The following XKR6 variants were observed in gnomAD, a reference collection of about 807,000 sequenced individuals.
The protein encoded by XKR6 is XK related 6.
In XKR6, 22 loss-of-function variants were observed where a neutral mutation model predicts 56.7. The ratio of observed to expected loss-of-function variants is 0.39; its 90% CI spans 0.28 to 0.55. XKR6 has a LOEUF of 0.55. Ranked by LOEUF, XKR6 falls within the 20% of genes least tolerant of loss-of-function variation. XKR6 has a pLI of 0.66. For missense variants in XKR6, 852 were observed against 889.0 expected, an observed-to-expected ratio of 0.96 and a Z score of 0.53; for synonymous variants, 524 against 387.8, an observed-to-expected ratio of 1.35 and a Z score of -4.13.
intron 1 of XKR6, among the ~76,000 whole-genome samples, chr8:10,930,354 T>C (rs1801018681): frequency 6.6e-6 from 1 of 152,128 alleles, no homozygotes; most frequent in Non-Finnish European, 1.5e-5. Flanking sequence ...TTAAGGAAAA[T>C]GGTAAATTCT....
chr8:11,105,641 A>C (rs1433902556), intron 1 of XKR6: 1 of 152,156 alleles, frequency 6.6e-6, no homozygotes, highest in Non-Finnish European at 1.5e-5. Context: ...CTTTCCTTTA[A>C]TTCACGTGGA....
At chr8:11,135,737 A>G (rs763669656) in intron 1 of XKR6, among the ~76,000 whole-genome samples, 1 of 152,074 alleles carries the variant, frequency 6.6e-6, no homozygotes, top group Non-Finnish European at 1.5e-5. Context: ...AAAATTAAAG[A>G]AGGAAAAGGA....
intron 1 of XKR6, among the ~76,000 whole-genome samples, chr8:11,012,120 C>T (rs971494122): frequency 1.1e-4 from 16 of 152,246 alleles, no homozygotes; most frequent in African/African-American, 2.6e-4. Flanking sequence ...TGGAGGAGTC[C>T]GCCTACCTCA....
At chr8:11,161,132 T>C (rs912459709) in intron 1 of XKR6, among the ~76,000 whole-genome samples, 2 of 152,122 alleles carry the variant, frequency 1.3e-5, no homozygotes, top group South Asian at 2.1e-4. Flanking sequence ...CAACAGGAAC[T>C]GATCTAGGCA....
intron 1 of XKR6, chr8:11,108,597 G>C: frequency 3.1e-6 from 1 of 326,282 alleles, no homozygotes; most frequent in East Asian, 8.8e-5. Flanking sequence ...GTGCTTCTGG[G>C]GCAGCCCTTT....
At chr8:10,941,779 C>T (rs983343671) in intron 1 of XKR6, among the ~76,000 whole-genome samples, 1 of 152,162 alleles carries the variant, frequency 6.6e-6, no homozygotes. Flanking sequence ...CCACCCTCGA[C>T]CAGCAGGGCC....
chr8:11,011,814 G>C (rs1437392784), intron 1 of XKR6, among the ~76,000 whole-genome samples: 1 of 152,202 alleles, frequency 6.6e-6, no homozygotes, highest in Non-Finnish European at 1.5e-5. Flanking sequence ...ATTGAGCTAA[G>C]AGCTGGGACT....
intron 1 of XKR6, among the ~76,000 whole-genome samples, chr8:10,981,812 G>T (rs1797741005): frequency 6.6e-6 from 1 of 152,188 alleles, no homozygotes. Flanking sequence ...CTCCAGTGGA[G>T]GTGCCACCAT....
intron 1 of XKR6, among the ~76,000 whole-genome samples, chr8:11,100,301 C>A (rs749569898): frequency 6.6e-6 from 1 of 152,160 alleles, no homozygotes; most frequent in African/African-American, 2.4e-5. Context: ...GCAATCTACC[C>A]ACTTCGACCT....
chr8:11,022,817 T>G (rs1041450837), intron 1 of XKR6, among the ~76,000 whole-genome samples: 13 of 152,312 alleles, frequency 8.5e-5, no homozygotes, highest in African/African-American at 3.1e-4. Context: ...AGAAATATTT[T>G]CCACTTTTTT....
At chr8:11,178,718 T>A (rs927385049) in intron 1 of XKR6, among the ~76,000 whole-genome samples, 1 of 149,106 alleles carries the variant, frequency 6.7e-6, no homozygotes, top group East Asian at 1.9e-4. Flanking sequence ...GGAGGAAAGA[T>A]TGGATCAAAC....
chr8:11,183,811 C>T (rs898164159), intron 1 of XKR6, among the ~76,000 whole-genome samples: 26 of 151,972 alleles, frequency 1.7e-4, no homozygotes, highest in African/African-American at 6.0e-4. Context: ...GCTCATGAAG[C>T]GGAAAGGCTC....
intron 1 of XKR6, among the ~76,000 whole-genome samples, chr8:11,151,058 T>C (rs1159376699): frequency 1.3e-5 from 2 of 152,126 alleles, no homozygotes; most frequent in Non-Finnish European, 2.9e-5. Flanking sequence ...ATATGCTTCA[T>C]ATAAGACTCT....
chr8:11,039,723 G>C (rs1417427221), intron 1 of XKR6, among the ~76,000 whole-genome samples: 3 of 152,210 alleles, frequency 2.0e-5, no homozygotes, highest in African/African-American at 7.2e-5. Flanking sequence ...CCTTCCCAAG[G>C]ACGGCAGCTG....
At chr8:11,141,833 G>A (rs1351492626) in intron 1 of XKR6, among the ~76,000 whole-genome samples, 1 of 152,142 alleles carries the variant, frequency 6.6e-6, no homozygotes, top group Admixed American at 6.5e-5. Context: ...GCTACTAGAA[G>A]GTAGGACAGT....
intron 1 of XKR6, among the ~76,000 whole-genome samples, chr8:11,142,622 G>C (rs865835707): frequency 1.8e-4 from 28 of 152,118 alleles, no homozygotes; most frequent in Admixed American, 5.9e-4. Flanking sequence ...TCCAGCTCTT[G>C]CCATGTGAGA....
At chr8:10,980,583 C>T (rs375837158) in intron 1 of XKR6, among the ~76,000 whole-genome samples, 6 of 152,262 alleles carry the variant, frequency 3.9e-5, no homozygotes, top group African/African-American at 1.2e-4. Context: ...TATCTATTAT[C>T]GATCTACCAT....
chr8:11,114,419 G>T (rs1398110664), intron 1 of XKR6, among the ~76,000 whole-genome samples: 1 of 152,120 alleles, frequency 6.6e-6, no homozygotes, highest in Non-Finnish European at 1.5e-5. Flanking sequence ...AGAGTGCAGT[G>T]GCATGGATCT....
chr8:11,068,321 G>A (rs1800032461), intron 1 of XKR6, among the ~76,000 whole-genome samples: 2 of 152,082 alleles, frequency 1.3e-5, no homozygotes, highest in African/African-American at 4.8e-5. Flanking sequence ...GGCATCCCTG[G>A]GATACGGTGG....
Sources: gnomAD v4.1 joint callset for allele counts (sites outside exome capture counted in the v4.1 genomes callset) on GRCh38, gnomAD v4.1.1 for gene constraint, MANE v1.5 for transcripts, NCBI Gene and HGNC (gene_info 2026-07-23, HGNC 2026-07-21) for gene names.